The following VAT1L variants were observed in gnomAD, a reference collection of about 807,000 sequenced individuals.
VAT1L encodes vesicle amine transport 1 like.
Under a neutral mutation model 44.1 loss-of-function variants are expected in VAT1L, and 34 were observed. The observed-to-expected ratio is 0.77, with a 90% CI of 0.59 to 1.03. The LOEUF (loss-of-function observed/expected upper bound fraction) is 1.03, where lower values mean the gene tolerates loss of function less well. Among genes scored for constraint, VAT1L ranks in the 50% least tolerant of loss-of-function variants. VAT1L has a pLI of 0.00. For missense variants in VAT1L, 615 were observed against 538.8 expected (o/e 1.14, Z -1.40); for synonymous variants, 253 against 202.2 (o/e 1.25, Z -2.13).
chr16:77,880,810 A>G (rs1471380984), intron 6 of VAT1L, among the ~76,000 whole-genome samples: 4 of 151,816 alleles, frequency 2.6e-5, no homozygotes, highest in Admixed American at 6.6e-5. Context: ...ATTTATGTCC[A>G]TGAGTACCCA....
chr16:77,942,060 A>C (rs2017891820), intron 7 of VAT1L, among the ~76,000 whole-genome samples: 1 of 152,202 alleles, frequency 6.6e-6, no homozygotes, highest in African/African-American at 2.4e-5. Context: ...GCATTTCTCT[A>C]ATGATTAGTG....
chr16:77,953,285 G>C (rs1478711982), intron 7 of VAT1L, among the ~76,000 whole-genome samples: 1 of 152,166 alleles, frequency 6.6e-6, no homozygotes, highest in Non-Finnish European at 1.5e-5. Context: ...GTTGTTTCAA[G>C]CCACCTGGTT....
intron 4 of VAT1L, among the ~76,000 whole-genome samples, chr16:77,871,322 T>G (rs557356153): frequency 6.6e-6 from 1 of 151,754 alleles, no homozygotes; most frequent in East Asian, 2.0e-4. Flanking sequence ...CAGCCATGCA[T>G]GTGATCCAAC....
At chr16:77,834,634 C>T (rs1382227088) in intron 3 of VAT1L, among the ~76,000 whole-genome samples, 1 of 152,118 alleles carries the variant, frequency 6.6e-6, no homozygotes, top group Admixed American at 6.5e-5. Flanking sequence ...TCCTATCCCC[C>T]GTCTCTATCC....
rs1397906878 is a variant in VAT1L at position 77,879,175 on chromosome 16, C to G, written c.833C>G (p.Ser278Cys). The change falls in exon 6 of 9, where the codon TCC (serine) becomes TGC (cysteine). Residue 278 changes from serine (S) to cysteine (C), a missense_variant. Transcript: ENST00000302536. This position sits in a 1 kb window ranked among gnomAD's most constrained non-coding sequence, Gnocchi z 4.1. Reference protein sequence around the residue: ...PLGTYILYGSSNMVTGETKSF... With the variant: ...PLGTYILYGSCNMVTGETKSF... ...GGGAATCTTTCATTTTCAGGCTCAT[C>G]CAACATGGTAACTGGAGAGACCAAG... 3 of 1,614,114 alleles carry G rather than the reference C, an allele frequency of 1.9e-6. No homozygotes were observed. The highest frequency in any genetic ancestry group is 4.5e-5 in the East Asian group (2 of 44,862).
chr16:77,868,158 A>G (rs1303620708), intron 4 of VAT1L, among the ~76,000 whole-genome samples: 1 of 152,240 alleles, frequency 6.6e-6, no homozygotes, highest in Non-Finnish European at 1.5e-5. Context: ...ATTTTACAAT[A>G]AAGTGTTGAA....
intron 7 of VAT1L, among the ~76,000 whole-genome samples, chr16:77,940,869 C>A (rs920164666): frequency 4.6e-5 from 7 of 152,124 alleles, no homozygotes; most frequent in African/African-American, 1.7e-4. Flanking sequence ...TTCTCCCTCT[C>A]AATCTTCCCA....
intron 7 of VAT1L, among the ~76,000 whole-genome samples, chr16:77,911,285 A>G (rs2017497255): frequency 6.6e-6 from 1 of 152,224 alleles, no homozygotes; most frequent in African/African-American, 2.4e-5. Context: ...ATGATAAGGG[A>G]GCAGCAAAAC....
intron 7 of VAT1L, among the ~76,000 whole-genome samples, chr16:77,950,409 AACACACAC>A (rs61168492): frequency 0.019 from 2,443 of 131,462 alleles, 66 homozygotes; most frequent in South Asian, 0.088. Context: ...ATTCCATCTA[AACACACAC>A]ACACACACAC....
intron 1 of VAT1L, among the ~76,000 whole-genome samples, chr16:77,795,819 T>TC (rs1424072588): frequency 3.4e-3 from 323 of 95,010 alleles, no homozygotes; most frequent in African/African-American, 0.015. Context: ...TTCTCTTTTT[T>TC]TTTTTTTTTT....
At position 77,861,774 on chromosome 16, in the gene VAT1L, C is replaced by G. The variant is rs572482016; in HGVS notation, c.580-974C>G. On this transcript the variant is annotated intron_variant, in intron 3 of 8. Transcript: ENST00000302536. Reference sequence around the variant, plus strand: ...TGCAGAAGCAGCCCTCAACAAGTATCAGATGCAAATGTGCTGGATAAATAC... The same window carrying G: ...TGCAGAAGCAGCCCTCAACAAGTATGAGATGCAAATGTGCTGGATAAATAC... Among the ~76,000 whole-genome samples the G allele has an allele frequency of 1.0e-3, 154 of 152,340 alleles. 3 individuals carry two copies. The South Asian group carries it at 0.03, about 30-fold the overall frequency.
At chr16:77,951,585 G>A (rs1303839830) in intron 7 of VAT1L, among the ~76,000 whole-genome samples, 2 of 152,066 alleles carry the variant, frequency 1.3e-5, no homozygotes, top group African/African-American at 2.4e-5. Flanking sequence ...GTATGAGTGC[G>A]TGTATATTCT....
chr16:77,825,273 A>C lies in VAT1L; in HGVS notation c.391A>C (p.Asn131His). ...EIGDRVMAFVNYNAWAEVVCT... is the reference protein window; with the variant it reads ...EIGDRVMAFVHYNAWAEVVCT... ...TGGAGACCGTGTCATGGCATTTGTC[A>C]ATTACAATGCCTGGGCAGAGGTGGT... The change falls in exon 3 of 9, where the codon AAT becomes CAT. Residue 131 changes from asparagine (N) to histidine (H), a missense_variant. Coordinates refer to ENST00000302536, the MANE Select transcript of VAT1L (RefSeq NM_020927.3). 1 of 1,614,086 alleles carries C rather than the reference A, an allele frequency of 6.2e-7. No homozygotes were observed. The highest frequency in any genetic ancestry group is 1.1e-5 in the South Asian group (1 of 91,074).
chr16:77,932,384 C>T (rs1049324466), intron 7 of VAT1L, among the ~76,000 whole-genome samples: 6 of 152,106 alleles, frequency 3.9e-5, no homozygotes, highest in Non-Finnish European at 8.8e-5. Flanking sequence ...GGATTACAGG[C>T]TTGAGCCACC....
intron 7 of VAT1L, among the ~76,000 whole-genome samples, chr16:77,916,299 C>T (rs2017551380): frequency 6.6e-6 from 1 of 152,146 alleles, no homozygotes. Context: ...AGAACTCTCC[C>T]TGCAACAGCG....
At chr16:77,946,322 T>C (rs1008653838) in intron 7 of VAT1L, among the ~76,000 whole-genome samples, 1 of 111,900 alleles carries the variant, frequency 8.9e-6, no homozygotes, top group Non-Finnish European at 1.7e-5. Flanking sequence ...CTCACTCTGA[T>C]GCCCAGGCTG....
Position 77,825,455 on chromosome 16 carries a change from G to A in VAT1L, c.573G>A (p.Gly191=), listed in dbSNP as rs1343014805. The change falls in exon 3 of 9, where the codon GGG becomes GGA. Residue 191 remains glycine (G), a synonymous_variant. Transcript: ENST00000302536. ...GMSVLVHSAG[G]GVGQAVAQLC... ...CTGTGCTCGTGCACTCAGCTGGTGG[G>A]GGCGTGGTAAGTCAGCTGTTTGTAA... The A allele has an allele frequency of 2.5e-6, 4 of 1,583,400 alleles. No individual in the cohort carries two copies. The highest frequency in any genetic ancestry group is 3.4e-6 in the Non-Finnish European group (4 of 1,163,374).
At chr16:77,876,310 G>T in intron 4 of VAT1L, 60 bp from the exon 5 acceptor site, 1 of 1,408,154 alleles carries the variant, frequency 7.1e-7, no homozygotes, top group Non-Finnish European at 1.0e-6. Flanking sequence ...GAAAGGAAAG[G>T]GATTGACAGT....
chr16:77,974,364 T>G (rs2142547534), intron 8 of VAT1L, among the ~76,000 whole-genome samples: 1 of 152,292 alleles, frequency 6.6e-6, no homozygotes, highest in East Asian at 1.9e-4. Context: ...AAGAAAATAG[T>G]TGGCACCAAT....
Sources: allele counts gnomAD v4.1 joint callset (sites outside exome capture counted in the v4.1 genomes callset), GRCh38; gene constraint gnomAD v4.1.1; non-coding constraint Gnocchi (gnomAD v3.1); transcripts MANE v1.5; gene names NCBI Gene and HGNC (gene_info 2026-07-23, HGNC 2026-07-21).